The following RNF150 variants were observed in gnomAD, a reference collection of about 807,000 sequenced individuals.
The protein encoded by RNF150 is ring finger protein 150.
A neutral mutation model predicts 39.3 loss-of-function variants in RNF150; 24 were observed. The observed-to-expected ratio is 0.61, with a 90% confidence interval of 0.44 to 0.86. The LOEUF is 0.86. RNF150 is among the 40% of genes least tolerant of loss of function. The pLI, the probability that RNF150 is intolerant of heterozygous loss-of-function variation, is 0.00. For missense variants in RNF150, 502 were observed against 587.8 expected (o/e 0.85, Z 1.51); for synonymous variants, 255 against 227.3 (o/e 1.12, Z -1.10).
intron 1 of RNF150, among the ~76,000 whole-genome samples, chr4:140,980,737 G>A (rs993376082): frequency 5.9e-5 from 9 of 152,024 alleles, no homozygotes; most frequent in Admixed American, 1.3e-4. Context: ...TTCCCCTTCC[G>A]CATGATTGTA....
At chr4:141,005,166 T>G (rs1307533957) in intron 1 of RNF150, among the ~76,000 whole-genome samples, 1 of 152,160 alleles carries the variant, frequency 6.6e-6, no homozygotes, top group Non-Finnish European at 1.5e-5. Context: ...TTCTTCAAGT[T>G]AGGGAGCATA....
At chr4:141,157,614 T>C (rs1727435820) in intron 1 of RNF150, among the ~76,000 whole-genome samples, 1 of 152,228 alleles carries the variant, frequency 6.6e-6, no homozygotes, top group African/African-American at 2.4e-5. Flanking sequence ...CTATTTCTCC[T>C]TTTCTTGGGC....
chr4:140,881,490 A>G (rs564242930), intron 6 of RNF150, among the ~76,000 whole-genome samples: 2 of 152,212 alleles, frequency 1.3e-5, no homozygotes, highest in Admixed American at 6.5e-5. Flanking sequence ...GTTGCCTCCC[A>G]TAAGTCTTGG....
At chr4:141,190,763 C>T (rs906496154) in intron 1 of RNF150, among the ~76,000 whole-genome samples, 5 of 152,214 alleles carry the variant, frequency 3.3e-5, no homozygotes, top group Admixed American at 6.5e-5. Context: ...TGAACACTAA[C>T]TATGTCTTCT....
rs978249841 is a variant in RNF150 at position 140,866,127 on chromosome 4, A to G, written c.*2134T>C. The G allele has an allele frequency of 2.0e-5, 3 of 152,234 alleles. No homozygotes were observed. Among genetic ancestry groups the G allele is most frequent in the Non-Finnish European group, 4.4e-5 (3 of 68,044 alleles). 9.4% of individuals were successfully genotyped at this position (152,234 alleles called of 1,614,324 possible). A position where few individuals can be genotyped will look rare whatever the true frequency, so the allele number is the denominator to read the frequency against. ...CAAACCAACTCCTACTTGGACTTAA[A>G]ACTTCAATCATTTAGATTTTCATTC... On this transcript the variant is annotated 3_prime_UTR_variant, in exon 7 of 7. Transcript: ENST00000515673.
At chr4:141,157,578 T>A (rs1727435331) in intron 1 of RNF150, among the ~76,000 whole-genome samples, 1 of 152,186 alleles carries the variant, frequency 6.6e-6, no homozygotes, top group African/African-American at 2.4e-5. Context: ...GAAGTTGACT[T>A]CATATTTTAG....
At chr4:141,158,634 TTC>T (rs1265901430) in intron 1 of RNF150, among the ~76,000 whole-genome samples, 1 of 152,206 alleles carries the variant, frequency 6.6e-6, no homozygotes, top group Non-Finnish European at 1.5e-5. Context: ...AGTCAAATTT[TTC>T]TGTGACATTT....
At chr4:140,905,183 T>G (rs1221815421) in intron 6 of RNF150, among the ~76,000 whole-genome samples, 1 of 152,238 alleles carries the variant, frequency 6.6e-6, no homozygotes, top group Non-Finnish European at 1.5e-5. Flanking sequence ...GTCTTGTAAG[T>G]GCATTTTGAA....
intron 1 of RNF150, among the ~76,000 whole-genome samples, chr4:141,072,442 G>A (rs1354498769): frequency 1.3e-5 from 2 of 152,098 alleles, no homozygotes; most frequent in Non-Finnish European, 2.9e-5. Flanking sequence ...TTGTGGTTTG[G>A]GCATGTGTGT....
At position 141,044,366 on chromosome 4, in the gene RNF150, T is replaced by G. The variant is rs145044402; in HGVS notation, c.485-76493A>C. On this transcript the variant is annotated intron_variant, in intron 1 of 6. Coordinates refer to ENST00000515673, the MANE Select transcript of RNF150 (RefSeq NM_020724.2). Reference sequence around the variant, plus strand: ...AGCTGCAAATTCTATAGATGAGCACTGTTCAAATTCTCAAAATGGTAATCT... The same window carrying G: ...AGCTGCAAATTCTATAGATGAGCACGGTTCAAATTCTCAAAATGGTAATCT... Among the ~76,000 whole-genome samples, 480 of 152,336 alleles carry G rather than the reference T, an allele frequency of 3.2e-3. 2 individuals are homozygous for G. The highest frequency in any genetic ancestry group is 8.9e-3 in the African/African-American group (372 of 41,576).
intron 1 of RNF150, among the ~76,000 whole-genome samples, chr4:140,980,695 C>A (rs149790951): frequency 6.6e-6 from 1 of 152,112 alleles, no homozygotes; most frequent in Non-Finnish European, 1.5e-5. Context: ...TCATTCTTCT[C>A]CTTCCTGCTG....
At chr4:141,152,860 CTGGGATACATG>C (rs1727323939) in intron 1 of RNF150, among the ~76,000 whole-genome samples, 1 of 152,060 alleles carries the variant, frequency 6.6e-6, no homozygotes, top group Non-Finnish European at 1.5e-5. Context: ...ACTTTAATTT[CTGGGATACATG>C]TGCAGAATAT....
chr4:141,134,899 C>T (rs1337487034), upstream of RNF150, among the ~76,000 whole-genome samples: 1 of 152,202 alleles, frequency 6.6e-6, no homozygotes, highest in Admixed American at 6.5e-5. Context: ...TTTCCCCAGT[C>T]TTCTTTATCG....
chr4:141,052,166 T>C (rs1483677459), intron 1 of RNF150, among the ~76,000 whole-genome samples: 1 of 151,998 alleles, frequency 6.6e-6, no homozygotes, highest in Non-Finnish European at 1.5e-5. Context: ...CTTCCTCCCA[T>C]GACACATGAG....
chr4:140,919,483 C>T lies in RNF150; in HGVS notation c.987+6494G>A, dbSNP rs548412206. ...ACCTAGGAATCCAACTTACAAGGGA[C>T]GTGAAGGACCTCTTCAAGGAGAACT... is the stretch of plus-strand genomic sequence containing the variant. On this transcript the variant is annotated intron_variant, in intron 5 of 6. Coordinates refer to ENST00000515673, the MANE Select transcript of RNF150 (RefSeq NM_020724.2). 5.0e-4 allele frequency among the ~76,000 whole-genome samples: 74 copies of T among 148,058 alleles called. No individual in the cohort carries two copies. The South Asian group carries it at 7.5e-3, about 15-fold the overall frequency.
intron 1 of RNF150, among the ~76,000 whole-genome samples, chr4:141,070,299 A>G (rs1737641158): frequency 6.6e-6 from 1 of 152,148 alleles, no homozygotes; most frequent in African/African-American, 2.4e-5. Flanking sequence ...CCTAGGCATT[A>G]CCATTCAGGA....
intron 1 of RNF150, chr4:141,053,758 G>T (rs1377062041): frequency 2.3e-5 from 30 of 1,277,214 alleles, no homozygotes; most frequent in Admixed American, 7.1e-5. Context: ...AAATGAAAAA[G>T]AAAACGAGAT....
At chr4:141,024,426 C>T (rs1260011275) in intron 1 of RNF150, among the ~76,000 whole-genome samples, 1 of 152,140 alleles carries the variant, frequency 6.6e-6, no homozygotes, top group Admixed American at 6.5e-5. Flanking sequence ...TGTAAACACA[C>T]ATGTGTTCTA....
At chr4:141,013,893 T>C (rs1364407209) in intron 1 of RNF150, among the ~76,000 whole-genome samples, 2 of 152,200 alleles carry the variant, frequency 1.3e-5, no homozygotes, top group African/African-American at 2.4e-5. Flanking sequence ...TTAATGACTA[T>C]AGTCACTGTG....
Sources: allele counts gnomAD v4.1 joint callset (sites outside exome capture counted in the v4.1 genomes callset), GRCh38; gene constraint gnomAD v4.1.1; transcripts MANE v1.5; gene names NCBI Gene and HGNC (gene_info 2026-07-23, HGNC 2026-07-21).